The following PAFAH1B1 variants were observed in gnomAD, a reference collection of about 807,000 sequenced individuals.
PAFAH1B1 encodes the protein platelet activating factor acetylhydrolase 1b regulatory subunit 1.
In PAFAH1B1, 2 loss-of-function variants were observed where a neutral mutation model predicts 57.5. That is an observed-to-expected ratio of 0.03 (90% CI 0.01 to 0.11). The LOEUF is 0.11. Among genes scored for constraint, PAFAH1B1 ranks in the 10% least tolerant of loss-of-function variants. The probability of loss-of-function intolerance (pLI) is 1.00; values close to 1 mark genes in which losing one functional copy is unlikely to be tolerated. For synonymous variants in PAFAH1B1, 152 were observed against 169.6 expected (o/e 0.90, Z 0.81); for missense variants, 257 against 512.0 (o/e 0.50, Z 4.81).
chr17:2,645,797 G>T (rs1378368894), intron 2 of PAFAH1B1, among the ~76,000 whole-genome samples: 1 of 150,360 alleles, frequency 6.7e-6, no homozygotes, highest in African/African-American at 2.4e-5. Context: ...GTAGAGACGG[G>T]GTTTCATTGT....
chr17:2,596,255 C>A (rs1203108214), intron 1 of PAFAH1B1, among the ~76,000 whole-genome samples: 1 of 151,932 alleles, frequency 6.6e-6, no homozygotes, highest in African/African-American at 2.4e-5. Context: ...ATTGTTCTCG[C>A]CATATAAGTA....
chr17:2,681,998 T>TA lies in PAFAH1B1; in HGVS notation c.*197dup. 2 of 557,120 alleles carry TA rather than the reference T, an allele frequency of 3.6e-6. No individual in the cohort carries two copies. The highest frequency in any genetic ancestry group is 6.4e-6 in the Non-Finnish European group (2 of 313,998). The allele number at this position is 557,120 out of a possible 1,614,324, so 34.5% of individuals were successfully genotyped here. ...CCAAATTGTATACTGTAAATTTACA[T>TA]ACGTTGTCTAGAAGTACCATAGGGT... On this transcript the variant is annotated 3_prime_UTR_variant, in exon 11 of 11. Coordinates refer to ENST00000397195, the MANE Select transcript of PAFAH1B1 (RefSeq NM_000430.4).
intron 2 of PAFAH1B1, among the ~76,000 whole-genome samples, chr17:2,654,190 C>CT (rs34079979): frequency 4.4e-5 from 6 of 136,248 alleles, no homozygotes; most frequent in African/African-American, 1.4e-4. Flanking sequence ...TCTTTTAAAC[C>CT]TTTTTTTTTT....
At chr17:2,645,261 G>C (rs530150817) in intron 2 of PAFAH1B1, among the ~76,000 whole-genome samples, 1 of 151,988 alleles carries the variant, frequency 6.6e-6, no homozygotes, top group Admixed American at 6.6e-5. Flanking sequence ...AAAAACAAAA[G>C]TGTTCTTCAA....
At chr17:2,667,384 A>G in intron 5 of PAFAH1B1, 186 bp downstream of exon 5, 2 of 562,174 alleles carry the variant, frequency 3.6e-6, no homozygotes, top group South Asian at 2.0e-5. Context: ...AGATCCTGAA[A>G]ATGAGGGCCT....
At chr17:2,627,321 A>T (rs185503242) in intron 1 of PAFAH1B1, among the ~76,000 whole-genome samples, 2 of 152,124 alleles carry the variant, frequency 1.3e-5, no homozygotes, top group Admixed American at 6.6e-5. Context: ...CTAGCCAGTT[A>T]TCTCAGCACT....
At chr17:2,665,500 A>T (rs1323781400) in intron 3 of PAFAH1B1, 44 bp downstream of exon 3, 1 of 1,100,578 alleles carries the variant, frequency 9.1e-7, no homozygotes, top group East Asian at 2.4e-5. Context: ...TAATGAGTGG[A>T]TTTTCACTCA....
chr17:2,656,227 A>G (rs1486429108), intron 2 of PAFAH1B1, among the ~76,000 whole-genome samples: 1 of 152,026 alleles, frequency 6.6e-6, no homozygotes, highest in Non-Finnish European at 1.5e-5. Context: ...CCTGGCCACA[A>G]TTAGCTATTT....
intron 1 of PAFAH1B1, among the ~76,000 whole-genome samples, chr17:2,619,111 T>C (rs1267047584): frequency 1.3e-5 from 2 of 151,742 alleles, no homozygotes; most frequent in East Asian, 3.9e-4. Context: ...TTAGCTGGGG[T>C]TTTTTGTTTG....
intron 1 of PAFAH1B1, among the ~76,000 whole-genome samples, chr17:2,613,018 T>C (rs1193406559): frequency 7.4e-6 from 1 of 134,938 alleles, no homozygotes; most frequent in Non-Finnish European, 1.6e-5. Flanking sequence ...TTTTATAAAA[T>C]CCATTTGATA....
chr17:2,679,292 A>G (rs533198306), intron 9 of PAFAH1B1, among the ~76,000 whole-genome samples: 1 of 152,360 alleles, frequency 6.6e-6, no homozygotes, highest in South Asian at 2.1e-4. Context: ...TTAAAGATAA[A>G]TTGCAAGAAC....
chr17:2,613,300 G>T, intron 1 of PAFAH1B1: 1 of 228,796 alleles, frequency 4.4e-6, no homozygotes, highest in Admixed American at 4.6e-5. Flanking sequence ...GCTGGGAAGG[G>T]TCTGGGGGCC....
chr17:2,649,688 AAAATT>A (rs1429217865), intron 2 of PAFAH1B1, among the ~76,000 whole-genome samples: 3 of 152,246 alleles, frequency 2.0e-5, no homozygotes, highest in African/African-American at 7.2e-5. Context: ...TTAAAATAAT[AAAATT>A]AAATGCAATC....
chr17:2,658,539 T>C (rs1035281028), intron 2 of PAFAH1B1, among the ~76,000 whole-genome samples: 1 of 152,200 alleles, frequency 6.6e-6, no homozygotes, highest in Non-Finnish European at 1.5e-5. Context: ...AACTGTGGGC[T>C]GGAGGGTATA....
chr17:2,616,680 C>G (rs1408254968), intron 1 of PAFAH1B1, among the ~76,000 whole-genome samples: 2 of 152,132 alleles, frequency 1.3e-5, no homozygotes, highest in Non-Finnish European at 2.9e-5. Context: ...ATCAAATATA[C>G]TGGGCCTAGC....
chr17:2,647,285 G>A (rs1054236241), intron 2 of PAFAH1B1, among the ~76,000 whole-genome samples: 17 of 152,204 alleles, frequency 1.1e-4, no homozygotes, highest in African/African-American at 3.9e-4. Context: ...AGAATTGCTT[G>A]AACCCTTGAG....
intron 1 of PAFAH1B1, among the ~76,000 whole-genome samples, chr17:2,596,157 T>C (rs2151605374): frequency 6.6e-6 from 1 of 152,318 alleles, no homozygotes; most frequent in East Asian, 1.9e-4. Flanking sequence ...ACTTATTGTC[T>C]CCTTATTTGT....
chr17:2,659,864 TTTGAGAC>T (rs780991468), intron 2 of PAFAH1B1, among the ~76,000 whole-genome samples: 1 of 152,094 alleles, frequency 6.6e-6, no homozygotes, highest in Non-Finnish European at 1.5e-5. Flanking sequence ...TTGTTACCTG[TTTGAGAC>T]TTGATTGATA....
chr17:2,603,649 G>A (rs974745246), intron 1 of PAFAH1B1, among the ~76,000 whole-genome samples: 3 of 151,566 alleles, frequency 2.0e-5, no homozygotes, highest in Admixed American at 2.0e-4. Context: ...ATGTATATAT[G>A]TATACACACA....
Sources: gnomAD v4.1 joint callset for allele counts (sites outside exome capture counted in the v4.1 genomes callset) on GRCh38, gnomAD v4.1.1 for gene constraint, MANE v1.5 for transcripts, NCBI Gene and HGNC (gene_info 2026-07-23, HGNC 2026-07-21) for gene names.